ZNF385D: variants seen among roughly 807,000 people sequenced by gnomAD.
ZNF385D encodes zinc finger protein 385D.
In ZNF385D, 15 loss-of-function variants were observed where a neutral mutation model predicts 35.8. That is an observed-to-expected ratio of 0.42 (90% CI 0.28 to 0.64). The LOEUF (loss-of-function observed/expected upper bound fraction) is 0.64, where lower values mean the gene tolerates loss of function less well. Among genes scored for constraint, ZNF385D ranks in the 30% least tolerant of loss-of-function variants. The pLI, the probability that ZNF385D is intolerant of heterozygous loss-of-function variation, is 0.23. For synonymous variants in ZNF385D, 212 were observed against 186.8 expected (o/e 1.13, Z -1.10); for missense variants, 474 against 494.6 (o/e 0.96, Z 0.39).
chr3:22,138,278 G>T (rs1211173552), intron 3 of ZNF385D, among the ~76,000 whole-genome samples: 1 of 152,150 alleles, frequency 6.6e-6, no homozygotes, highest in East Asian at 1.9e-4. Flanking sequence ...TCCCCATCAA[G>T]CTACCAATGA....
At chr3:21,530,702 G>A (rs375762089) in intron 3 of ZNF385D, among the ~76,000 whole-genome samples, 3 of 151,988 alleles carry the variant, frequency 2.0e-5, no homozygotes, top group African/African-American at 7.2e-5. Flanking sequence ...ACTGAGGTTC[G>A]AAGTCCTCAC....
intron 3 of ZNF385D, among the ~76,000 whole-genome samples, chr3:22,161,070 TA>T (rs1488874094): frequency 6.6e-6 from 1 of 152,100 alleles, no homozygotes; most frequent in Non-Finnish European, 1.5e-5. Flanking sequence ...CTTCATTCTA[TA>T]CCTCATAATG....
intron 1 of ZNF385D, among the ~76,000 whole-genome samples, chr3:21,742,242 A>C (rs2069550317): frequency 6.6e-6 from 1 of 152,228 alleles, no homozygotes; most frequent in African/African-American, 2.4e-5. Context: ...ATTTGTCCAA[A>C]GCCGTGCTAC....
intron 3 of ZNF385D, among the ~76,000 whole-genome samples, chr3:22,019,034 C>CTTTTTTTTTCT (rs1697061553): frequency 1.6e-5 from 1 of 64,460 alleles, no homozygotes; most frequent in East Asian, 3.5e-4. Flanking sequence ...AGTTATTTAC[C>CTTTTTTTTTCT]TTTTTTTTTT....
intron 2 of ZNF385D, among the ~76,000 whole-genome samples, chr3:22,268,323 A>G (rs999060927): frequency 2.0e-5 from 3 of 152,016 alleles, no homozygotes; most frequent in Admixed American, 2.0e-4. Context: ...TATAATTGCA[A>G]TAAATGTACT....
chr3:21,904,993 T>G (rs977970346), intron 3 of ZNF385D, among the ~76,000 whole-genome samples: 3 of 151,956 alleles, frequency 2.0e-5, no homozygotes, highest in Non-Finnish European at 4.4e-5. Flanking sequence ...AAAAATAAAC[T>G]ACGATTCATC....
Position 21,975,721 on chromosome 3 carries a change from A to AT in ZNF385D, c.325+193095dup, listed in dbSNP as rs1703563704. Among the ~76,000 whole-genome samples the AT allele has an allele frequency of 8.8e-3, 38 of 4,314 alleles. 1 individual carries two copies. The highest frequency in any genetic ancestry group is 0.016 in the Non-Finnish European group (26 of 1,640). 2.8% of individuals were successfully genotyped at this position (4,314 alleles called of 152,430 possible). On this transcript the variant is annotated intron_variant, in intron 3 of 5. Transcript: ENST00000494108. Reference sequence around the variant, plus strand: ...CCACGAAATATATATATATATATATATATATATATATATATATATATATAT... The same window carrying AT: ...CCACGAAATATATATATATATATATATTATATATATATATATATATATATAT...
chr3:21,448,607 T>A (rs1329120372), intron 4 of ZNF385D, among the ~76,000 whole-genome samples: 2 of 152,144 alleles, frequency 1.3e-5, no homozygotes, highest in African/African-American at 4.8e-5. Flanking sequence ...GTCTACAGAT[T>A]ATTTACAGAA....
intron 2 of ZNF385D, among the ~76,000 whole-genome samples, chr3:22,193,435 T>C (rs776601143): frequency 6.6e-6 from 1 of 152,020 alleles, no homozygotes; most frequent in Non-Finnish European, 1.5e-5. Flanking sequence ...CCAAAACTTA[T>C]TATATATGAT....
intron 2 of ZNF385D, among the ~76,000 whole-genome samples, chr3:22,208,385 T>C (rs1697293792): frequency 6.6e-6 from 1 of 151,648 alleles, no homozygotes; most frequent in African/African-American, 2.4e-5. Flanking sequence ...GAGCTAAAAA[T>C]TAAAACAACT....
Position 22,228,830 on chromosome 3 carries a change from C to T in ZNF385D, c.107-59795G>A, listed in dbSNP as rs188411982. On this transcript the variant is annotated intron_variant, in intron 2 of 5. Transcript: ENST00000494108. ...GACTAGACTGGCTGAGTCTTCTGAC[C>T]TTCATCTTTTTCCCATGTTGGATAT... 2.4e-3 allele frequency among the ~76,000 whole-genome samples: 363 copies of T among 152,290 alleles called. 1 individual carries two copies. The highest frequency in any genetic ancestry group is 8.3e-3 in the African/African-American group (345 of 41,568).
intron 1 of ZNF385D, among the ~76,000 whole-genome samples, chr3:21,696,059 G>A (rs2067460208): frequency 6.6e-6 from 1 of 152,082 alleles, no homozygotes; most frequent in Non-Finnish European, 1.5e-5. Context: ...AAATCATTTT[G>A]CCCAATTTCC....
chr3:22,042,890 G>A (rs537757211), intron 3 of ZNF385D, among the ~76,000 whole-genome samples: 91 of 152,114 alleles, frequency 6.0e-4, no homozygotes, highest in Non-Finnish European at 1.1e-3. Flanking sequence ...TATTACACAG[G>A]AAGTGTGAAC....
At chr3:22,125,043 A>G (rs1247234604) in intron 3 of ZNF385D, among the ~76,000 whole-genome samples, 1 of 152,116 alleles carries the variant, frequency 6.6e-6, no homozygotes, top group Admixed American at 6.6e-5. Flanking sequence ...GCAGTTTCAT[A>G]GTTTGAGATC....
intron 3 of ZNF385D, among the ~76,000 whole-genome samples, chr3:22,034,620 T>A (rs548323351): frequency 1.3e-5 from 2 of 152,240 alleles, no homozygotes; most frequent in African/African-American, 4.8e-5. Flanking sequence ...ACAAAAGAAA[T>A]AGATGTTGGA....
chr3:21,970,607 TAGAGAGAG>T (rs373534656), intron 3 of ZNF385D, among the ~76,000 whole-genome samples: 1 of 148,104 alleles, frequency 6.8e-6, no homozygotes, highest in Non-Finnish European at 1.5e-5. Context: ...CCTTAAAGAG[TAGAGAGAG>T]AGAGAGAGAG....
At position 21,995,946 on chromosome 3, in the gene ZNF385D, T is replaced by A. The variant is rs551597043; in HGVS notation, c.325+172871A>T. On this transcript the variant is annotated intron_variant, in intron 3 of 5. Transcript: ENST00000494108. ...TTGGGGTGTAGGATACTGTGTGGGC[T>A]AGAGTGCTGGGGACCTGGCTGCACC... Among the ~76,000 whole-genome samples, 83 of 152,140 alleles carry A rather than the reference T, an allele frequency of 5.5e-4. 1 individual carries two copies. The highest frequency in any genetic ancestry group is 9.2e-4 in the Admixed American group (14 of 15,276).
chr3:21,693,746 C>A (rs548236010), intron 1 of ZNF385D, among the ~76,000 whole-genome samples: 1 of 151,910 alleles, frequency 6.6e-6, no homozygotes, highest in East Asian at 1.9e-4. Flanking sequence ...GTATGGAAAT[C>A]AAAAGCCAAT....
At chr3:21,986,130 A>C (rs1290845229) in intron 3 of ZNF385D, among the ~76,000 whole-genome samples, 3 of 84,640 alleles carry the variant, frequency 3.5e-5, no homozygotes, top group Non-Finnish European at 6.3e-5. Context: ...TCCTGGATTC[A>C]TTGATTTTTT....
Sources: gnomAD v4.1 joint callset for allele counts (sites outside exome capture counted in the v4.1 genomes callset) on GRCh38, gnomAD v4.1.1 for gene constraint, MANE v1.5 for transcripts, NCBI Gene and HGNC (gene_info 2026-07-23, HGNC 2026-07-21) for gene names.